Variants in NMNAT3 observed in about 807,000 individuals in gnomAD.
NMNAT3 encodes the protein nicotinamide nucleotide adenylyltransferase 3.
A neutral mutation model predicts 24.8 loss-of-function variants in NMNAT3; 21 were observed. The ratio of observed to expected loss-of-function variants is 0.85; its 90% confidence interval spans 0.60 to 1.22. The LOEUF (loss-of-function observed/expected upper bound fraction) is 1.22. Among genes scored for constraint, NMNAT3 ranks in the 50% most tolerant of loss-of-function variants. The pLI, the probability that NMNAT3 is intolerant of heterozygous loss-of-function variation, is 0.00. For missense variants in NMNAT3, 387 were observed against 436.6 expected (o/e 0.89, Z 1.01); for synonymous variants, 136 against 155.2 (o/e 0.88, Z 0.92).
At chr3:139,670,950 A>G (rs1363671951) in intron 1 of NMNAT3, among the ~76,000 whole-genome samples, 1 of 152,188 alleles carries the variant, frequency 6.6e-6, no homozygotes, top group East Asian at 1.9e-4. Context: ...CCAGGAACCC[A>G]GAGTGTATCT....
chr3:139,611,333 A>G (rs1472486420), intron 3 of NMNAT3, among the ~76,000 whole-genome samples: 1 of 152,230 alleles, frequency 6.6e-6, no homozygotes, highest in Non-Finnish European at 1.5e-5. Flanking sequence ...GAGACCAAAC[A>G]TATATTGCAT....
intron 3 of NMNAT3, among the ~76,000 whole-genome samples, chr3:139,593,981 T>C (rs1304153872): frequency 2.0e-5 from 3 of 149,480 alleles, no homozygotes; most frequent in African/African-American, 4.9e-5. Flanking sequence ...CTGAAGGAAA[T>C]AGAGACACAA....
chr3:139,614,538 A>G (rs1021802603), intron 3 of NMNAT3, among the ~76,000 whole-genome samples: 1 of 152,194 alleles, frequency 6.6e-6, no homozygotes, highest in African/African-American at 2.4e-5. Context: ...CTTTCATGAC[A>G]CTGACATTTT....
intron 1 of NMNAT3, among the ~76,000 whole-genome samples, chr3:139,670,681 A>G (rs2057728926): frequency 6.6e-6 from 1 of 152,194 alleles, no homozygotes; most frequent in South Asian, 2.1e-4. Context: ...CCAGTTCCTG[A>G]GGTACTAGAA....
intron 1 of NMNAT3, among the ~76,000 whole-genome samples, chr3:139,666,161 C>G (rs894416862): frequency 6.6e-6 from 1 of 152,218 alleles, no homozygotes; most frequent in Admixed American, 6.5e-5. Flanking sequence ...TCCACATGCT[C>G]TTCTTACAAT....
chr3:139,609,063 C>A (rs779400543), intron 3 of NMNAT3, among the ~76,000 whole-genome samples: 1 of 152,158 alleles, frequency 6.6e-6, no homozygotes, highest in South Asian at 2.1e-4. Context: ...AGTTGTTGCA[C>A]GAATGATTTG....
intron 3 of NMNAT3, chr3:139,609,669 A>G (rs2055113987): frequency 6.6e-6 from 1 of 151,348 alleles, no homozygotes; most frequent in Admixed American, 6.6e-5. Context: ...TTTTTTTTTA[A>G]GAGACAAAAT....
At chr3:139,649,520 A>C (rs1400259154) in intron 1 of NMNAT3, among the ~76,000 whole-genome samples, 1 of 152,330 alleles carries the variant, frequency 6.6e-6, no homozygotes, top group Non-Finnish European at 1.5e-5. Flanking sequence ...ACAAAAGCCA[A>C]GGGAATCTGT....
chr3:139,648,601 G>A (rs769565791), intron 1 of NMNAT3, among the ~76,000 whole-genome samples: 51 of 152,298 alleles, frequency 3.3e-4, no homozygotes, highest in Non-Finnish European at 6.2e-4. Context: ...GGGATGTGTA[G>A]GCATGTACAT....
At position 139,647,813 on chromosome 3, in the gene NMNAT3, A is replaced by ATTGTGAGAAAATAAATTTCCTT. The variant is rs376798092; in HGVS notation, c.-140-9773_-140-9752dup. On this transcript the variant is annotated intron_variant, in intron 1 of 6. Coordinates refer to ENST00000643695, the MANE Select transcript of NMNAT3 (RefSeq NM_001320510.2). ...TGATTTCGAACTTTTGGCCTCCAAAATTGTGAGAAAATAAATTTCCTTTGT... is the reference window on the plus strand; with the variant it reads ...TGATTTCGAACTTTTGGCCTCCAAAATTGTGAGAAAATAAATTTCCTTTTGTGAGAAAATAAATTTCCTTTGT... 3.1e-3 allele frequency among the ~76,000 whole-genome samples: 478 copies of ATTGTGAGAAAATAAATTTCCTT among 152,304 alleles called. 5 individuals carry two copies. The highest frequency in any genetic ancestry group is 1.8e-3 in the Non-Finnish European group (125 of 68,034).
intron 1 of NMNAT3, among the ~76,000 whole-genome samples, chr3:139,645,913 T>C (rs1039036866): frequency 6.6e-6 from 1 of 152,030 alleles, no homozygotes; most frequent in African/African-American, 2.4e-5. Flanking sequence ...GAATAAACAT[T>C]GTAATAGAAT....
intron 5 of NMNAT3, chr3:139,576,070 A>T (rs962323626): frequency 1.6e-6 from 2 of 1,286,704 alleles, no homozygotes; most frequent in Admixed American, 2.3e-5. Context: ...AATCCTCAGT[A>T]AGCTCTACAG....
intron 3 of NMNAT3, among the ~76,000 whole-genome samples, chr3:139,618,166 T>C (rs1219949990): frequency 6.6e-6 from 1 of 152,174 alleles, no homozygotes; most frequent in Non-Finnish European, 1.5e-5. Flanking sequence ...CTATATCTAA[T>C]TCCCAAACAT....
chr3:139,638,987 T>A lies in NMNAT3; in HGVS notation c.-140-925A>T, dbSNP rs1335815342. ...GTGCTCACTCACTCTCACCTATTTATGCCAGGCTAATAGCTACATCATTTA... is the reference window on the plus strand; with the variant it reads ...GTGCTCACTCACTCTCACCTATTTAAGCCAGGCTAATAGCTACATCATTTA... On this transcript the variant is annotated intron_variant, in intron 1 of 6. Transcript: ENST00000643695. Among the ~76,000 whole-genome samples, 8 of 152,194 alleles carry A rather than the reference T, an allele frequency of 5.3e-5. No homozygotes were observed. In the East Asian group the frequency reaches 1.5e-3, roughly 29 times the overall value.
intron 3 of NMNAT3, among the ~76,000 whole-genome samples, chr3:139,626,323 T>A (rs2056049122): frequency 6.6e-6 from 1 of 152,116 alleles, no homozygotes; most frequent in African/African-American, 2.4e-5. Context: ...CCTGTATTTT[T>A]AGATAGTTCC....
intron 1 of NMNAT3, among the ~76,000 whole-genome samples, chr3:139,668,735 T>A (rs1157256404): frequency 6.6e-6 from 1 of 152,236 alleles, no homozygotes; most frequent in Non-Finnish European, 1.5e-5. Context: ...CTAATTCTGA[T>A]TAACTGCAGC....
intron 1 of NMNAT3, among the ~76,000 whole-genome samples, chr3:139,667,086 G>A (rs915662316): frequency 1.3e-5 from 2 of 152,150 alleles, no homozygotes; most frequent in Non-Finnish European, 2.9e-5. Context: ...TCCTCAATAT[G>A]CTGATTTCCT....
At chr3:139,631,361 A>G (rs2056289443) in intron 2 of NMNAT3, among the ~76,000 whole-genome samples, 2 of 152,232 alleles carry the variant, frequency 1.3e-5, no homozygotes, top group Non-Finnish European at 2.9e-5. Context: ...CACCAGGACA[A>G]TAAACTGGCT....
intron 2 of NMNAT3, among the ~76,000 whole-genome samples, chr3:139,631,810 C>T (rs560810585): frequency 1.4e-3 from 208 of 152,278 alleles, no homozygotes; most frequent in East Asian, 4.4e-3. Context: ...TTTACCTCCC[C>T]CCTACTGCCC....
Sources: gnomAD v4.1 joint callset for allele counts (sites outside exome capture counted in the v4.1 genomes callset) on GRCh38, gnomAD v4.1.1 for gene constraint, MANE v1.5 for transcripts, NCBI Gene and HGNC (gene_info 2026-07-23, HGNC 2026-07-21) for gene names.